The following USP53 variants were observed in gnomAD, a reference collection of about 807,000 sequenced individuals.
USP53 encodes the protein ubiquitin carboxyl-terminal hydrolase 53.
Under a neutral mutation model 94.9 loss-of-function variants are expected in USP53, and 71 were observed. That is an observed-to-expected ratio of 0.75 (90% CI 0.62 to 0.91). USP53 has a LOEUF of 0.91. Ranked by LOEUF, USP53 falls within the 40% of genes least tolerant of loss-of-function variation. The pLI is 0.00. For synonymous variants in USP53, 375 were observed against 422.7 expected (o/e 0.89, Z 1.39); for missense variants, 1,173 against 1,281.0 (o/e 0.92, Z 1.29).
chr4:119,291,769 C>G (rs1159311909), intron 18 of USP53, among the ~76,000 whole-genome samples: 2 of 152,106 alleles, frequency 1.3e-5, no homozygotes, highest in South Asian at 2.1e-4. Context: ...GTCTGTAATC[C>G]TAGCTACTGA....
At position 119,268,293 on chromosome 4, in the gene USP53, G is replaced by A. The variant is rs763800552; in HGVS notation, c.1161G>A (p.Lys387=). The change falls in exon 14 of 19, where the codon AAG becomes AAA. Residue 387 remains lysine, a synonymous_variant. Transcript: ENST00000692078. The part of the protein sequence containing the change: ...NMGCEKPVIH[K]SDNLKENGFG... ...GATGTGAAAAGCCTGTAATTCATAA[G>A]TCAGATAATTTAAAAGAAAATGGAT... is the stretch of plus-strand genomic sequence containing the variant. The A allele has an allele frequency of 1.8e-5, 29 of 1,612,522 alleles. No individual in the cohort carries two copies. Among genetic ancestry groups the A allele is most frequent in the East Asian group, 1.6e-4 (7 of 44,834 alleles).
upstream of USP53, chr4:119,212,666 C>T: frequency 2.9e-6 from 1 of 350,174 alleles, no homozygotes; most frequent in Non-Finnish European, 5.7e-6. Flanking sequence ...GCATGCTCCG[C>T]TCACAGGGTC....
chr4:119,248,795 A>C lies in USP53; in HGVS notation c.285A>C (p.Ser95=), dbSNP rs1403707885. 6.2e-7 allele frequency: 1 copy of C among 1,613,980 alleles called. No homozygotes were observed. The highest frequency in any genetic ancestry group is 2.2e-5 in the East Asian group (1 of 44,880). ...FQHSREKALP[S]DNIRHALAES... is the part of the protein sequence containing the mutation. ...ACAGTCGAGAAAAAGCACTTCCCTC[A>C]GATAACATAAGGCATGCTCTTGCAG... is the stretch of plus-strand genomic sequence containing the variant. Residue 95 remains serine, a synonymous_variant, in exon 7 of 19, where the codon TCA becomes TCC. Coordinates refer to ENST00000692078, the MANE Select transcript of USP53 (RefSeq NM_001371395.1).
In USP53 at chr4:119,245,325, C is replaced by G. The variant is rs1488476452; in HGVS notation, c.145-12C>G. The G allele has an allele frequency of 1.2e-6, 2 of 1,610,988 alleles. No individual in the cohort carries two copies. Among genetic ancestry groups the G allele is most frequent in the Admixed American group, 3.4e-5 (2 of 59,644 alleles). ...TTTATTTCTTTTTCCTTAACATCTCCCTGTTTTTTAGGTTTTATGGCAATT... is the reference window on the plus strand; with the variant it reads ...TTTATTTCTTTTTCCTTAACATCTCGCTGTTTTTTAGGTTTTATGGCAATT... On this transcript the variant is annotated splice_polypyrimidine_tract_variant and intron_variant, in intron 5 of 18. Transcript: ENST00000692078.
At chr4:119,248,991 C>T in intron 7 of USP53, 109 bp downstream of exon 7, 2 of 1,377,190 alleles carry the variant, frequency 1.5e-6, no homozygotes, top group Non-Finnish European at 2.0e-6. Context: ...AGAAAAATGT[C>T]AAAACTGTCC....
intron 4 of USP53, among the ~76,000 whole-genome samples, chr4:119,236,722 C>T (rs958935635): frequency 5.9e-5 from 9 of 152,242 alleles, no homozygotes; most frequent in African/African-American, 2.2e-4. Flanking sequence ...TCACACTCCA[C>T]TTATAATTTT....
At chr4:119,266,499 T>G in intron 12 of USP53, among the ~76,000 whole-genome samples, 1 of 152,228 alleles carries the variant, frequency 6.6e-6, no homozygotes, top group East Asian at 1.9e-4. Flanking sequence ...CGTGTATGTA[T>G]AATATTATCT....
intron 7 of USP53, among the ~76,000 whole-genome samples, chr4:119,252,629 C>T (rs946370247): frequency 5.3e-5 from 8 of 152,028 alleles, no homozygotes; most frequent in Non-Finnish European, 7.4e-5. Flanking sequence ...CTCTTTTCTT[C>T]TTTATTAGTT....
chr4:119,278,197 G>A (rs1341934824), intron 17 of USP53, among the ~76,000 whole-genome samples: 7 of 146,996 alleles, frequency 4.8e-5, no homozygotes, highest in African/African-American at 1.0e-4. Context: ...TCCTAGTCTC[G>A]ATGGTCTTTA....
chr4:119,235,205 C>T (rs1027418473), intron 3 of USP53, 85 bp from the exon 4 acceptor site: 4 of 152,152 alleles, frequency 2.6e-5, no homozygotes, highest in African/African-American at 9.7e-5. Context: ...TTGAACTAAT[C>T]TGTGTCATTC....
At chr4:119,231,905 C>T (rs147419957) in intron 3 of USP53, among the ~76,000 whole-genome samples, 111 of 152,182 alleles carry the variant, frequency 7.3e-4, no homozygotes, top group Non-Finnish European at 1.0e-3. Flanking sequence ...CTGCCTGGGA[C>T]GTACCAAAAT....
chr4:119,282,618 A>G (rs1191720892), intron 17 of USP53, among the ~76,000 whole-genome samples: 2 of 152,082 alleles, frequency 1.3e-5, no homozygotes, highest in Non-Finnish European at 2.9e-5. Context: ...TCTCTAAGCC[A>G]GTCTTTGACT....
At chr4:119,288,145 C>T (rs1008646942) in intron 17 of USP53, among the ~76,000 whole-genome samples, 1 of 152,162 alleles carries the variant, frequency 6.6e-6, no homozygotes, top group African/African-American at 2.4e-5. Context: ...TAGGTTATGT[C>T]TATCAACATT....
intron 17 of USP53, among the ~76,000 whole-genome samples, chr4:119,286,829 T>C (rs1237183044): frequency 6.6e-6 from 1 of 152,058 alleles, no homozygotes; most frequent in Non-Finnish European, 1.5e-5. Flanking sequence ...TCTTGTCACA[T>C]CTTTTTTTAA....
chr4:119,260,948 CTCTTT>C (rs1473158249), intron 11 of USP53, among the ~76,000 whole-genome samples: 4 of 115,024 alleles, frequency 3.5e-5, no homozygotes, highest in Non-Finnish European at 5.0e-5. Context: ...ACTGATCTCT[CTCTTT>C]TTTTTTTTTT....
In USP53 at chr4:119,293,483, A is replaced by G; in HGVS notation, c.*272A>G. 1 of 267,658 alleles carries G rather than the reference A, an allele frequency of 3.7e-6. No individual in the cohort carries two copies. The highest frequency in any genetic ancestry group is 6.9e-6 in the Non-Finnish European group (1 of 144,238). 16.6% of individuals were successfully genotyped at this position (267,658 alleles called of 1,614,324 possible). On this transcript the variant is annotated 3_prime_UTR_variant, in exon 19 of 19. Coordinates refer to ENST00000692078, the MANE Select transcript of USP53 (RefSeq NM_001371395.1). ...TATATAATTTTATGATCAATATCTTAGATATTTTAGAAATTCCCTTTGAAT... is the reference window on the plus strand; with the variant it reads ...TATATAATTTTATGATCAATATCTTGGATATTTTAGAAATTCCCTTTGAAT...
chr4:119,256,636 C>A, intron 9 of USP53, 113 bp downstream of exon 9: 2 of 1,083,534 alleles, frequency 1.8e-6, no homozygotes, highest in Non-Finnish European at 2.8e-6. Flanking sequence ...CTGTCTGAGG[C>A]TACCAAGTAT....
At chr4:119,269,229 G>A (rs1751548528) in intron 14 of USP53, among the ~76,000 whole-genome samples, 1 of 152,160 alleles carries the variant, frequency 6.6e-6, no homozygotes, top group South Asian at 2.1e-4. Context: ...ATATATGTGT[G>A]TAAGAATAGA....
chr4:119,219,748 A>G (rs1046085798), intron 3 of USP53: 1 of 152,234 alleles, frequency 6.6e-6, no homozygotes, highest in Non-Finnish European at 1.5e-5. Context: ...TACCTAACTA[A>G]TTATGTATTG....
Sources: allele counts gnomAD v4.1 joint callset (sites outside exome capture counted in the v4.1 genomes callset), GRCh38; gene constraint gnomAD v4.1.1; transcripts MANE v1.5; gene names NCBI Gene and HGNC (gene_info 2026-07-23, HGNC 2026-07-21).